The following CACNA1E variants were observed in gnomAD, a reference collection of about 807,000 sequenced individuals.
The protein encoded by CACNA1E is calcium voltage-gated channel subunit alpha1 E, also known as voltage-dependent R-type calcium channel subunit alpha-1E.
CACNA1E carries 40 observed loss-of-function variants against 259.2 expected under a neutral mutation model. That is an observed-to-expected ratio of 0.15 (90% CI 0.12 to 0.20). The LOEUF is 0.20. CACNA1E is among the 10% of genes least tolerant of loss of function. The pLI is 1.00. For missense variants in CACNA1E, 1,874 were observed against 3,040.1 expected (o/e 0.62, Z 9.02); for synonymous variants, 1,104 against 1,138.5 (o/e 0.97, Z 0.61).
intron 7 of CACNA1E, among the ~76,000 whole-genome samples, chr1:181,696,978 T>C (rs1484228964): frequency 6.6e-6 from 1 of 152,188 alleles, no homozygotes; most frequent in East Asian, 1.9e-4. Flanking sequence ...AATGTGAATT[T>C]AATGCCTTCT....
At chr1:181,428,769 C>G (rs535101941) in intron 2 of CACNA1E, among the ~76,000 whole-genome samples, 1 of 152,132 alleles carries the variant, frequency 6.6e-6, no homozygotes, top group East Asian at 1.9e-4. Context: ...AGACTGATTG[C>G]GTATCAATAT....
chr1:181,485,878 C>T lies in CACNA1E; in HGVS notation c.266+1868C>T, dbSNP rs907127583. On this transcript the variant is annotated intron_variant, in intron 1 of 47. Coordinates refer to ENST00000367573, the MANE Select transcript of CACNA1E (RefSeq NM_001205293.3). This position sits in a 1 kb window ranked among gnomAD's most constrained non-coding sequence, Gnocchi z 4.2. ...TTTGCGGTAGACAAAGCCGCCCAAC[C>T]GCCCCGCGGGTGGCAAAGTGTGCCA... 6.6e-6 allele frequency among the ~76,000 whole-genome samples: 1 copy of T among 152,220 alleles called. No individual in the cohort carries two copies. The highest frequency in any genetic ancestry group is 1.5e-5 in the Non-Finnish European group (1 of 68,038).
intron 7 of CACNA1E, among the ~76,000 whole-genome samples, chr1:181,660,528 T>C (rs1647548986): frequency 6.6e-6 from 1 of 152,214 alleles, no homozygotes; most frequent in South Asian, 2.1e-4. Flanking sequence ...GATAAAAAGA[T>C]GAATAAGACC....
chr1:181,663,103 C>A (rs1251684677), intron 7 of CACNA1E, among the ~76,000 whole-genome samples: 1 of 152,124 alleles, frequency 6.6e-6, no homozygotes, highest in Non-Finnish European at 1.5e-5. Context: ...GCACTATATG[C>A]CTGTTTGTTA....
chr1:181,730,645 T>C lies in CACNA1E; in HGVS notation c.2241-530T>C, dbSNP rs143426847. 2.0e-4 allele frequency among the ~76,000 whole-genome samples: 30 copies of C among 152,360 alleles called. No homozygotes were observed. In the East Asian group the frequency reaches 5.4e-3, roughly 27 times the overall value. On this transcript the variant is annotated intron_variant, in intron 18 of 47. Transcript: ENST00000367573. ...GGAAAGATGGTGCTGCCTCTGACCA[T>C]GGACCACTTCGTAGCCTTGACATCG... is the stretch of plus-strand genomic sequence containing the variant.
chr1:181,616,076 G>C (rs1479785369), intron 6 of CACNA1E, among the ~76,000 whole-genome samples: 1 of 152,042 alleles, frequency 6.6e-6, no homozygotes, highest in Non-Finnish European at 1.5e-5. Context: ...CCTTTGTTGT[G>C]ATATGTTTTT....
intron 1 of CACNA1E, among the ~76,000 whole-genome samples, chr1:181,412,946 A>G (rs1657968235): frequency 6.6e-6 from 1 of 152,094 alleles, no homozygotes; most frequent in African/African-American, 2.4e-5. Context: ...TCATTTATCG[A>G]GCTCCACTGT....
intron 18 of CACNA1E, among the ~76,000 whole-genome samples, chr1:181,729,954 C>T (rs1413147695): frequency 6.6e-6 from 1 of 152,186 alleles, no homozygotes; most frequent in East Asian, 1.9e-4. Flanking sequence ...CCCACCTGTG[C>T]CTTGTTGCAT....
chr1:181,581,543 G>A (rs1273889078), intron 6 of CACNA1E, among the ~76,000 whole-genome samples: 2 of 152,188 alleles, frequency 1.3e-5, no homozygotes, highest in Admixed American at 1.3e-4. Context: ...GTTCTGAGTT[G>A]GTCTAGCTGC....
intron 25 of CACNA1E, chr1:181,745,302 T>C (rs1558337241): frequency 2.2e-6 from 1 of 457,762 alleles, no homozygotes. Flanking sequence ...CTTTATCTTA[T>C]GGAGGCAATG....
chr1:181,645,390 A>G (rs1378254672), intron 6 of CACNA1E, among the ~76,000 whole-genome samples: 2 of 152,098 alleles, frequency 1.3e-5, no homozygotes, highest in Non-Finnish European at 2.9e-5. Context: ...CTGCTACTGC[A>G]AGGTAGTAGC....
At chr1:181,558,208 A>C (rs889177315) in intron 3 of CACNA1E, among the ~76,000 whole-genome samples, 4 of 152,188 alleles carry the variant, frequency 2.6e-5, no homozygotes, top group Admixed American at 1.3e-4. Context: ...TGCTGCCCTC[A>C]CTGCAAGAGT....
intron 6 of CACNA1E, among the ~76,000 whole-genome samples, chr1:181,619,003 A>G (rs1286246737): frequency 1.3e-5 from 2 of 152,250 alleles, no homozygotes; most frequent in African/African-American, 4.8e-5. Context: ...GTTCATTCAT[A>G]TAACAAATTT....
chr1:181,703,224 T>C (rs1185539144), intron 7 of CACNA1E, among the ~76,000 whole-genome samples: 3 of 152,264 alleles, frequency 2.0e-5, no homozygotes, highest in Non-Finnish European at 2.9e-5. Flanking sequence ...ATCTGTATTA[T>C]GATACATTCT....
chr1:181,578,281 A>G (rs1040505423), intron 4 of CACNA1E, among the ~76,000 whole-genome samples: 3 of 152,204 alleles, frequency 2.0e-5, no homozygotes, highest in African/African-American at 7.2e-5. Flanking sequence ...GGCTGAGTGC[A>G]GTGGCTCACA....
intron 2 of CACNA1E, among the ~76,000 whole-genome samples, chr1:181,470,051 G>T (rs1220242): frequency 0.09 from 13,719 of 151,652 alleles, 998 homozygotes; most frequent in African/African-American, 0.2. Flanking sequence ...CAGAGAGAGA[G>T]AGTGAGAGAG....
At chr1:181,359,244 G>A (rs1234458894) in intron 1 of CACNA1E, among the ~76,000 whole-genome samples, 2 of 152,168 alleles carry the variant, frequency 1.3e-5, no homozygotes, top group East Asian at 3.8e-4. Context: ...AGGAGACAGA[G>A]ACATATAAAC....
In CACNA1E at chr1:181,742,744, G is replaced by A. The variant is rs557436366; in HGVS notation, c.3719+3491G>A. ...GTGGTGTCCCCTGAGCCCTCCTGCC[G>A]AGGCGTGTGCCTGCCACCATGTATG... On this transcript the variant is annotated intron_variant, in intron 25 of 47. Coordinates refer to ENST00000367573, the MANE Select transcript of CACNA1E (RefSeq NM_001205293.3). 9.2e-5 allele frequency among the ~76,000 whole-genome samples: 14 copies of A among 152,294 alleles called. No individual in the cohort carries two copies. The East Asian group carries it at 9.7e-4, about 11-fold the overall frequency.
intron 2 of CACNA1E, among the ~76,000 whole-genome samples, chr1:181,431,261 A>T (rs1001768342): frequency 2.6e-5 from 4 of 152,238 alleles, no homozygotes; most frequent in Non-Finnish European, 5.9e-5. Context: ...GGCAGTGTGT[A>T]TGCTGTCTTG....
Sources: allele counts gnomAD v4.1 joint callset (sites outside exome capture counted in the v4.1 genomes callset), GRCh38; gene constraint gnomAD v4.1.1; non-coding constraint Gnocchi (gnomAD v3.1); transcripts MANE v1.5; gene names NCBI Gene and HGNC (gene_info 2026-07-23, HGNC 2026-07-21).